CERS6: variants seen among roughly 807,000 people sequenced by gnomAD.
The protein encoded by CERS6 is ceramide synthase 6.
Under a neutral mutation model 56.8 loss-of-function variants are expected in CERS6, and 26 were observed. That is an observed-to-expected ratio of 0.46 (90% confidence interval 0.34 to 0.63). The LOEUF is 0.63. Among genes scored for constraint, CERS6 ranks in the 30% least tolerant of loss-of-function variants. CERS6 has a pLI of 0.01. For synonymous variants in CERS6, 164 were observed against 173.3 expected, an observed-to-expected ratio of 0.95 and a Z score of 0.42; for missense variants, 415 against 467.5, an observed-to-expected ratio of 0.89 and a Z score of 1.04.
intron 1 of CERS6, among the ~76,000 whole-genome samples, chr2:168,518,817 T>G (rs1344916505): frequency 6.6e-6 from 1 of 152,204 alleles, no homozygotes; most frequent in Non-Finnish European, 1.5e-5. Flanking sequence ...TAAGTTGCCT[T>G]TCTCTGTTAA....
chr2:168,488,895 A>G (rs1694320080), intron 1 of CERS6, among the ~76,000 whole-genome samples: 1 of 152,166 alleles, frequency 6.6e-6, no homozygotes, highest in African/African-American at 2.4e-5. Context: ...ATCTACATAC[A>G]TTGAAACCCC....
At chr2:168,504,683 A>G (rs1195394284) in intron 1 of CERS6, among the ~76,000 whole-genome samples, 4 of 152,106 alleles carry the variant, frequency 2.6e-5, no homozygotes, top group African/African-American at 9.7e-5. Flanking sequence ...CAATATTGTT[A>G]ATGGCTCTTA....
At chr2:168,713,523 A>G (rs1414478120) in intron 6 of CERS6, among the ~76,000 whole-genome samples, 2 of 152,230 alleles carry the variant, frequency 1.3e-5, no homozygotes, top group East Asian at 1.9e-4. Context: ...GAAATTCCAT[A>G]TCACAACAAA....
chr2:168,467,902 A>C (rs1422791684), intron 1 of CERS6, among the ~76,000 whole-genome samples: 1 of 152,214 alleles, frequency 6.6e-6, no homozygotes, highest in African/African-American at 2.4e-5. Context: ...GTCATGGTAC[A>C]ACTTGTGGAA....
intron 8 of CERS6, among the ~76,000 whole-genome samples, chr2:168,745,042 C>T (rs1318925314): frequency 6.6e-6 from 1 of 152,120 alleles, no homozygotes; most frequent in African/African-American, 2.4e-5. Context: ...AACCATCAGC[C>T]TATTGAACAG....
chr2:168,585,599 TG>T (rs1262521957), intron 3 of CERS6, among the ~76,000 whole-genome samples: 1 of 152,230 alleles, frequency 6.6e-6, no homozygotes, highest in Non-Finnish European at 1.5e-5. Context: ...ACCATGCCTG[TG>T]GTGTGGCAGA....
rs75352868 is a variant in CERS6, at chr2:168,697,186, C to T, written c.609+2135C>T. Among the ~76,000 whole-genome samples the T allele has an allele frequency of 2.9e-3, 444 of 152,256 alleles. 3 individuals are homozygous for T. Among genetic ancestry groups the T allele is most frequent in the Middle Eastern group, 0.014 (4 of 294 alleles). On this transcript the variant is annotated intron_variant, in intron 6 of 9. Coordinates refer to ENST00000305747, the MANE Select transcript of CERS6 (RefSeq NM_203463.3). ...TTTTCTGACTTGTATGGCTACAGGG[C>T]CCTTAATATGGTATATATCAGCTGA...
chr2:168,661,706 A>G (rs138144203), intron 4 of CERS6, among the ~76,000 whole-genome samples: 37 of 152,330 alleles, frequency 2.4e-4, no homozygotes, highest in African/African-American at 8.2e-4. Context: ...GCTAAGAATC[A>G]CTAGCACCTT....
chr2:168,637,323 GA>G (rs1018636329), intron 4 of CERS6, among the ~76,000 whole-genome samples: 4 of 150,852 alleles, frequency 2.7e-5, no homozygotes, highest in South Asian at 4.2e-4. Context: ...TGAAAATACA[GA>G]AAAAAAAAGT....
At chr2:168,616,883 G>T (rs1684331160) in intron 3 of CERS6, among the ~76,000 whole-genome samples, 1 of 151,778 alleles carries the variant, frequency 6.6e-6, no homozygotes, top group Non-Finnish European at 1.5e-5. Context: ...GGAACAAATG[G>T]ACTTAATAGA....
chr2:168,502,934 G>A (rs1184009328), intron 1 of CERS6, among the ~76,000 whole-genome samples: 2 of 152,176 alleles, frequency 1.3e-5, no homozygotes, highest in African/African-American at 4.8e-5. Context: ...CATGCAGGGT[G>A]AGAGAAGGGT....
At chr2:168,656,860 G>T (rs992092990) in intron 4 of CERS6, among the ~76,000 whole-genome samples, 1 of 152,022 alleles carries the variant, frequency 6.6e-6, no homozygotes, top group African/African-American at 2.4e-5. Context: ...TGATTGGTGC[G>T]TTTACAATCC....
At chr2:168,706,525 A>G (rs10490709) in intron 6 of CERS6, among the ~76,000 whole-genome samples, 10,937 of 152,312 alleles carry the variant, frequency 0.072, 572 homozygotes, top group African/African-American at 0.14. Flanking sequence ...TACTGAATCC[A>G]AAGAAGCATC....
intron 1 of CERS6, among the ~76,000 whole-genome samples, chr2:168,510,075 A>C (rs1172693111): frequency 6.6e-6 from 1 of 150,572 alleles, no homozygotes; most frequent in African/African-American, 2.5e-5. Flanking sequence ...GCAGTACTTG[A>C]TATTTTATAA....
At chr2:168,767,833 G>A (rs144264926) in intron 9 of CERS6, among the ~76,000 whole-genome samples, 211 of 152,220 alleles carry the variant, frequency 1.4e-3, no homozygotes, top group African/African-American at 4.7e-3. Flanking sequence ...AGGAGACTTT[G>A]CCACCTCCCC....
intron 1 of CERS6, among the ~76,000 whole-genome samples, chr2:168,501,684 C>G (rs2105345332): frequency 6.6e-6 from 1 of 152,280 alleles, no homozygotes; most frequent in East Asian, 1.9e-4. Context: ...TTTTGCCAGA[C>G]CAGCTGTCTT....
chr2:168,574,051 A>G (rs1240638588), intron 3 of CERS6, among the ~76,000 whole-genome samples: 2 of 152,088 alleles, frequency 1.3e-5, no homozygotes, highest in Admixed American at 6.6e-5. Flanking sequence ...TTTTCAGTGG[A>G]CACTCGTATT....
chr2:168,743,132 A>T (rs2105432360), intron 8 of CERS6, among the ~76,000 whole-genome samples: 1 of 151,316 alleles, frequency 6.6e-6, no homozygotes, highest in Middle Eastern at 3.4e-3. Flanking sequence ...AGATGGAAGG[A>T]TTATTGTCTA....
At chr2:168,696,483 A>C (rs1686650103) in intron 6 of CERS6, among the ~76,000 whole-genome samples, 1 of 152,220 alleles carries the variant, frequency 6.6e-6, no homozygotes, top group Non-Finnish European at 1.5e-5. Context: ...TAAAACCTTC[A>C]AGACAAAGTT....
Sources: allele counts gnomAD v4.1 joint callset (sites outside exome capture counted in the v4.1 genomes callset), GRCh38; gene constraint gnomAD v4.1.1; transcripts MANE v1.5; gene names NCBI Gene and HGNC (gene_info 2026-07-23, HGNC 2026-07-21).